CTNND2: variants seen among roughly 807,000 people sequenced by gnomAD.
CTNND2 encodes the protein catenin delta-2.
A neutral mutation model predicts 144.4 loss-of-function variants in CTNND2; 22 were observed. The observed-to-expected ratio is 0.15, with a 90% CI of 0.11 to 0.22. The LOEUF (loss-of-function observed/expected upper bound fraction) is 0.22. CTNND2 is among the 10% of genes least tolerant of loss of function. CTNND2 has a pLI of 1.00. For synonymous variants in CTNND2, 751 were observed against 695.6 expected, an observed-to-expected ratio of 1.08 and a Z score of -1.25; for missense variants, 1,353 against 1,618.8, an observed-to-expected ratio of 0.84 and a Z score of 2.82.
At chr5:11,193,075 C>T (rs1399503138) in intron 11 of CTNND2, among the ~76,000 whole-genome samples, 2 of 152,256 alleles carry the variant, frequency 1.3e-5, no homozygotes, top group East Asian at 1.9e-4. Context: ...AAGTATGTGG[C>T]CAATTCCAGC....
At chr5:11,374,312 T>C (rs1199978901) in intron 7 of CTNND2, among the ~76,000 whole-genome samples, 1 of 152,200 alleles carries the variant, frequency 6.6e-6, no homozygotes, top group Non-Finnish European at 1.5e-5. Context: ...GACATCAGAC[T>C]TGTAACAAAA....
At chr5:11,301,884 A>G (rs949384468) in intron 9 of CTNND2, among the ~76,000 whole-genome samples, 2 of 152,136 alleles carry the variant, frequency 1.3e-5, no homozygotes, top group East Asian at 3.9e-4. Flanking sequence ...GATGGAAATG[A>G]CATTTTTCCT....
intron 12 of CTNND2, among the ~76,000 whole-genome samples, chr5:11,153,626 T>C (rs1255455274): frequency 6.6e-6 from 1 of 152,138 alleles, no homozygotes; most frequent in Non-Finnish European, 1.5e-5. Flanking sequence ...TTAAAATGAC[T>C]AATTGAGGGT....
chr5:11,870,850 C>G (rs1485016496), intron 1 of CTNND2, among the ~76,000 whole-genome samples: 3 of 152,202 alleles, frequency 2.0e-5, no homozygotes, highest in Non-Finnish European at 4.4e-5. Context: ...TAAGACATAA[C>G]TCTGTAATCT....
chr5:11,728,341 T>C (rs113824273), intron 2 of CTNND2, among the ~76,000 whole-genome samples: 16,410 of 149,744 alleles, frequency 0.11, 1,126 homozygotes, highest in East Asian at 0.22. Flanking sequence ...TGGTGGCGCA[T>C]GCCTGTAATC....
chr5:11,200,779 C>T (rs1449707766), intron 10 of CTNND2, among the ~76,000 whole-genome samples: 2 of 152,226 alleles, frequency 1.3e-5, no homozygotes, highest in South Asian at 4.2e-4. Context: ...CCCGGGTTCA[C>T]GCCATTCTCC....
At position 11,449,175 on chromosome 5, in the gene CTNND2, A is replaced by T. The variant is rs530413942; in HGVS notation, c.288-37106T>A. Reference sequence around the variant, plus strand: ...TTGCTAATTATGAGGTCATATAAATAAATGTTTTTCATTGTTGTCTAAAAA... The same window carrying T: ...TTGCTAATTATGAGGTCATATAAATTAATGTTTTTCATTGTTGTCTAAAAA... On this transcript the variant is annotated intron_variant, in intron 3 of 21. Transcript: ENST00000304623. Among the ~76,000 whole-genome samples the T allele has an allele frequency of 3.3e-5, 5 of 152,342 alleles. No homozygotes were observed. The East Asian group carries it at 9.6e-4, about 29-fold the overall frequency.
intron 16 of CTNND2, among the ~76,000 whole-genome samples, chr5:11,036,835 G>A (rs1338457964): frequency 6.6e-6 from 1 of 152,114 alleles, no homozygotes; most frequent in Non-Finnish European, 1.5e-5. Context: ...TCAGCATTTC[G>A]TAGATTTTTA....
chr5:11,355,850 AC>A (rs570217098), intron 8 of CTNND2, among the ~76,000 whole-genome samples: 161 of 152,240 alleles, frequency 1.1e-3, no homozygotes, highest in Middle Eastern at 3.4e-3. Flanking sequence ...ACTGCAGGAC[AC>A]CAAATCAACA....
At chr5:11,158,895 T>C (rs529563793) in intron 12 of CTNND2, among the ~76,000 whole-genome samples, 7 of 152,220 alleles carry the variant, frequency 4.6e-5, no homozygotes, top group Non-Finnish European at 8.8e-5. Context: ...GCACAGTTTC[T>C]AGAGTTTAGA....
intron 2 of CTNND2, among the ~76,000 whole-genome samples, chr5:11,666,779 T>A (rs1357409730): frequency 2.6e-5 from 4 of 152,314 alleles, no homozygotes; most frequent in South Asian, 4.1e-4. Context: ...TTTCTTTTTT[T>A]AAAATTATAC....
chr5:11,432,936 C>T (rs1034775372), intron 3 of CTNND2, among the ~76,000 whole-genome samples: 11 of 152,184 alleles, frequency 7.2e-5, no homozygotes, highest in African/African-American at 2.4e-4. Flanking sequence ...ATTTTAAGAC[C>T]ACCAATCTAT....
chr5:11,276,241 TG>T (rs1347961518), intron 9 of CTNND2, among the ~76,000 whole-genome samples: 4 of 152,172 alleles, frequency 2.6e-5, no homozygotes, highest in African/African-American at 9.7e-5. Context: ...GATATACATA[TG>T]TGTGCATCAT....
intron 10 of CTNND2, among the ~76,000 whole-genome samples, chr5:11,228,696 TG>T (rs1387737660): frequency 2.0e-5 from 3 of 152,122 alleles, no homozygotes; most frequent in Admixed American, 2.0e-4. Context: ...ATGTTGCTGA[TG>T]CCGGTCTCCT....
chr5:11,554,000 T>C (rs1486746977), intron 3 of CTNND2, among the ~76,000 whole-genome samples: 1 of 152,160 alleles, frequency 6.6e-6, no homozygotes, highest in Non-Finnish European at 1.5e-5. Flanking sequence ...ATTATAACCA[T>C]AAAGTATTCA....
intron 2 of CTNND2, among the ~76,000 whole-genome samples, chr5:11,666,809 G>A (rs1783590659): frequency 1.3e-5 from 2 of 152,032 alleles, no homozygotes; most frequent in Admixed American, 6.6e-5. Context: ...TGGGGCACAT[G>A]TGCAGAATGT....
At chr5:11,548,731 A>C (rs966309614) in intron 3 of CTNND2, among the ~76,000 whole-genome samples, 10 of 152,232 alleles carry the variant, frequency 6.6e-5, no homozygotes, top group Admixed American at 6.5e-5. Flanking sequence ...CCAATCCTTT[A>C]ACAGAAAAAC....
At chr5:11,203,484 C>T (rs1737712985) in intron 10 of CTNND2, among the ~76,000 whole-genome samples, 1 of 152,082 alleles carries the variant, frequency 6.6e-6, no homozygotes, top group African/African-American at 2.4e-5. Flanking sequence ...GCTCTGTCAC[C>T]CAGGCTGGAG....
intron 8 of CTNND2, among the ~76,000 whole-genome samples, chr5:11,363,484 C>T (rs1287475916): frequency 6.6e-6 from 1 of 152,024 alleles, no homozygotes; most frequent in Non-Finnish European, 1.5e-5. Flanking sequence ...CAACTCCAAG[C>T]AGGAGTGGAT....
Sources: gnomAD v4.1 joint callset for allele counts (sites outside exome capture counted in the v4.1 genomes callset) on GRCh38, gnomAD v4.1.1 for gene constraint, MANE v1.5 for transcripts, NCBI Gene and HGNC (gene_info 2026-07-23, HGNC 2026-07-21) for gene names.